The following PVT1 variants were observed in gnomAD, a reference collection of about 807,000 sequenced individuals.
PVT1 encodes the protein CXCR4/PVT1 fusion.
At chr8:128,085,246 A>G (rs1462431394) in intron 5 of PVT1, among the ~76,000 whole-genome samples, 2 of 152,130 alleles carry the variant, frequency 1.3e-5, no homozygotes, top group Non-Finnish European at 2.9e-5. Flanking sequence ...TTGGATGCAC[A>G]TGTAGGCCCT....
At chr8:128,094,799 A>G (rs2648902) in intron 5 of PVT1, among the ~76,000 whole-genome samples, 106,603 of 152,148 alleles carry the variant, frequency 0.7, 37,515 homozygotes, top group South Asian at 0.74. Flanking sequence ...CTGAACCAGT[A>G]CCATGCCCAT....
intron 1 of PVT1, among the ~76,000 whole-genome samples, chr8:127,794,995 A>G (rs1489995353): frequency 6.6e-6 from 1 of 152,108 alleles, no homozygotes; most frequent in Non-Finnish European, 1.5e-5. Flanking sequence ...AAGGCATATT[A>G]ACTAATTTCT....
Position 127,979,731 on chromosome 8 carries a change from C to G in PVT1, n.783-9431C>G, listed in dbSNP as rs1426227566. Among the ~76,000 whole-genome samples, 4 of 152,212 alleles carry G rather than the reference C, an allele frequency of 2.6e-5. No individual in the cohort carries two copies. In the South Asian group the frequency reaches 6.2e-4, roughly 24 times the overall value. On this transcript the variant is annotated intron_variant and non_coding_transcript_variant, in intron 3 of 10. Coordinates refer to ENST00000651587, the Ensembl canonical transcript of PVT1. ...TTCATGTGCCCCCGACCCCACCACC[C>G]AAAGGATGCCTAATCTTGAACAAGG...
At chr8:127,999,984 C>T (rs999857413) in intron 4 of PVT1, among the ~76,000 whole-genome samples, 2 of 152,148 alleles carry the variant, frequency 1.3e-5, no homozygotes, top group East Asian at 3.8e-4. Flanking sequence ...GTTTGCAAAC[C>T]GGGACTCTGT....
chr8:128,066,411 C>T (rs182223074), intron 4 of PVT1, among the ~76,000 whole-genome samples: 1 of 152,328 alleles, frequency 6.6e-6, no homozygotes, highest in African/African-American at 2.4e-5. Flanking sequence ...AGCATGATCT[C>T]AGGTTGACCT....
intron 3 of PVT1, among the ~76,000 whole-genome samples, chr8:127,907,930 TTG>T (rs1815842851): frequency 6.6e-6 from 1 of 152,090 alleles, no homozygotes; most frequent in African/African-American, 2.4e-5. Flanking sequence ...TTCTTCCTGA[TTG>T]TGTTTCCCTC....
In PVT1 at chr8:127,841,737, C is replaced by A. The variant is rs538048433; in HGVS notation, n.372+45666C>A. Among the ~76,000 whole-genome samples, 13 of 149,542 alleles carry A rather than the reference C, an allele frequency of 8.7e-5. No individual in the cohort carries two copies. In the South Asian group the frequency reaches 2.8e-3, roughly 32 times the overall value. ...GAGCTACACATCTGCTTTTTTTTTTCTTCTTTCTGAGACAGTCTCACTCTG... is the reference window on the plus strand; with the variant it reads ...GAGCTACACATCTGCTTTTTTTTTTATTCTTTCTGAGACAGTCTCACTCTG... On this transcript the variant is annotated intron_variant and non_coding_transcript_variant, in intron 2 of 10. Transcript: ENST00000651587.
chr8:128,094,941 G>A (rs747583725), intron 5 of PVT1, among the ~76,000 whole-genome samples: 1 of 152,288 alleles, frequency 6.6e-6, no homozygotes, highest in East Asian at 1.9e-4. Flanking sequence ...TTTGCGTCTC[G>A]TGGTTCCAGA....
chr8:127,908,066 C>G (rs1815844770), intron 3 of PVT1, among the ~76,000 whole-genome samples: 1 of 152,290 alleles, frequency 6.6e-6, no homozygotes, highest in Admixed American at 6.5e-5. Flanking sequence ...CGCGCATCAC[C>G]CATGGCATTC....
intron 2 of PVT1, among the ~76,000 whole-genome samples, chr8:127,818,109 G>A (rs1169873093): frequency 1.3e-5 from 2 of 152,114 alleles, no homozygotes; most frequent in East Asian, 3.9e-4. Flanking sequence ...TCATAGTCCG[G>A]CTGGATTGTG....
At chr8:128,018,972 C>T (rs930744099) in intron 4 of PVT1, among the ~76,000 whole-genome samples, 1 of 152,356 alleles carries the variant, frequency 6.6e-6, no homozygotes, top group Admixed American at 6.5e-5. Flanking sequence ...CTAAGGAAGG[C>T]TCTTCCCTGG....
At chr8:127,809,706 A>G (rs550310561) in intron 2 of PVT1, among the ~76,000 whole-genome samples, 5 of 152,176 alleles carry the variant, frequency 3.3e-5, no homozygotes, top group Admixed American at 6.5e-5. Context: ...CTCTGTATGG[A>G]AAGTCCCCAG....
At chr8:127,943,047 G>A (rs149561495) in intron 3 of PVT1, among the ~76,000 whole-genome samples, 3 of 152,284 alleles carry the variant, frequency 2.0e-5, no homozygotes, top group African/African-American at 7.2e-5. Context: ...CTCTCCTGAG[G>A]TCCTGAAAGA....
intron 3 of PVT1, chr8:127,960,522 T>C (rs906828234): frequency 3.1e-6 from 1 of 326,626 alleles, no homozygotes; most frequent in African/African-American, 2.2e-5. Flanking sequence ...CAGATAAAGA[T>C]GCTTTTGAAG....
At chr8:127,907,455 A>G (rs1815837391) in intron 3 of PVT1, among the ~76,000 whole-genome samples, 1 of 152,214 alleles carries the variant, frequency 6.6e-6, no homozygotes, top group South Asian at 2.1e-4. Flanking sequence ...CTATGTTTAC[A>G]GTGCCTGTTC....
intron 3 of PVT1, among the ~76,000 whole-genome samples, chr8:127,986,362 C>T (rs1258606795): frequency 6.6e-6 from 1 of 152,140 alleles, no homozygotes; most frequent in Non-Finnish European, 1.5e-5. Flanking sequence ...CCAGCATGAC[C>T]TTCTGCGGTC....
chr8:127,918,669 T>C (rs192657973), intron 3 of PVT1, among the ~76,000 whole-genome samples: 237 of 152,248 alleles, frequency 1.6e-3, no homozygotes, highest in Non-Finnish European at 2.9e-3. Context: ...GCTCCTGACA[T>C]CCATACAGCT....
intron 2 of PVT1, among the ~76,000 whole-genome samples, chr8:127,869,244 C>T (rs1815325035): frequency 1.3e-5 from 2 of 152,028 alleles, no homozygotes; most frequent in Admixed American, 6.6e-5. Context: ...GATTCTCCTG[C>T]CTCAGCCTCC....
intron 3 of PVT1, among the ~76,000 whole-genome samples, chr8:127,925,974 A>G (rs73707138): frequency 0.04 from 6,029 of 152,174 alleles, 405 homozygotes; most frequent in African/African-American, 0.14. Context: ...TAAGAATGGG[A>G]GCATGAGTTT....
Sources: gnomAD v4.1 joint callset for allele counts (sites outside exome capture counted in the v4.1 genomes callset) on GRCh38, gnomAD v4.1.1 for gene constraint, MANE v1.5 for transcripts, NCBI Gene and HGNC (gene_info 2026-07-23, HGNC 2026-07-21) for gene names.